Variants in PARD3B observed in about 807,000 individuals in gnomAD.
The protein encoded by PARD3B is partitioning defective 3 homolog B.
In PARD3B, 103 loss-of-function variants were observed where a neutral mutation model predicts 130.2. The observed-to-expected ratio is 0.79, with a 90% CI of 0.67 to 0.93. The LOEUF is 0.93. Among genes scored for constraint, PARD3B ranks in the 40% least tolerant of loss-of-function variants. The pLI, the probability that PARD3B is intolerant of heterozygous loss-of-function variation, is 0.00. For missense variants in PARD3B, 1,609 were observed against 1,499.2 expected (o/e 1.07, Z -1.21); for synonymous variants, 583 against 553.2 (o/e 1.05, Z -0.76).
intron 14 of PARD3B, among the ~76,000 whole-genome samples, chr2:205,188,824 A>G (rs1055159831): frequency 1.1e-4 from 16 of 152,016 alleles, no homozygotes; most frequent in African/African-American, 3.9e-4. Flanking sequence ...TCTCAAAGGA[A>G]AAAAGGGTGT....
At chr2:204,571,733 G>T (rs2032015885) in intron 1 of PARD3B, among the ~76,000 whole-genome samples, 1 of 152,040 alleles carries the variant, frequency 6.6e-6, no homozygotes, top group Non-Finnish European at 1.5e-5. Context: ...TGTGTATTAG[G>T]GACTTAATAC....
intron 20 of PARD3B, among the ~76,000 whole-genome samples, chr2:205,443,965 C>T (rs1212678280): frequency 6.6e-6 from 1 of 151,934 alleles, no homozygotes; most frequent in Non-Finnish European, 1.5e-5. Flanking sequence ...ATAGCAAGAC[C>T]CCATCTCTAT....
chr2:205,299,848 A>G (rs999166906), intron 16 of PARD3B, among the ~76,000 whole-genome samples: 3 of 152,222 alleles, frequency 2.0e-5, no homozygotes, highest in African/African-American at 7.2e-5. Context: ...TCAGAACTAT[A>G]GCATCGACAC....
intron 2 of PARD3B, among the ~76,000 whole-genome samples, chr2:204,871,115 C>T (rs1559215620): frequency 6.6e-6 from 1 of 152,060 alleles, no homozygotes; most frequent in Non-Finnish European, 1.5e-5. Flanking sequence ...GATGTTCTTC[C>T]TGGCTCTCTT....
At chr2:205,227,835 C>G (rs116532774) in intron 15 of PARD3B, among the ~76,000 whole-genome samples, 1,601 of 151,936 alleles carry the variant, frequency 0.011, 33 homozygotes, top group African/African-American at 0.037. Flanking sequence ...CTTTCTTTTT[C>G]TTTTTTGTAT....
At chr2:204,805,232 A>G (rs549197581) in intron 2 of PARD3B, among the ~76,000 whole-genome samples, 66 of 152,244 alleles carry the variant, frequency 4.3e-4, no homozygotes, top group African/African-American at 1.5e-3. Flanking sequence ...AAAAAGAGAC[A>G]TTACAACTGA....
At chr2:205,394,413 A>G (rs698906) in intron 18 of PARD3B, among the ~76,000 whole-genome samples, 113,449 of 152,082 alleles carry the variant, frequency 0.75, 45,819 homozygotes, top group East Asian at 0.96. Flanking sequence ...TACCAGCTCC[A>G]TAAACAAGCT....
At chr2:205,089,252 C>A (rs1701949509) in intron 4 of PARD3B, among the ~76,000 whole-genome samples, 1 of 151,450 alleles carries the variant, frequency 6.6e-6, no homozygotes, top group African/African-American at 2.4e-5. Flanking sequence ...CTCACTGCGA[C>A]CTCCGCCTCC....
At chr2:205,302,691 C>T (rs2042053171) in intron 18 of PARD3B, among the ~76,000 whole-genome samples, 1 of 152,116 alleles carries the variant, frequency 6.6e-6, no homozygotes, top group Non-Finnish European at 1.5e-5. Context: ...TCTAGGTGTG[C>T]AGTGGCCGGG....
At chr2:205,198,640 G>A (rs1182724166) in intron 15 of PARD3B, among the ~76,000 whole-genome samples, 2 of 151,990 alleles carry the variant, frequency 1.3e-5, no homozygotes, top group East Asian at 3.9e-4. Flanking sequence ...ATATATGTCA[G>A]ATATTCCTCT....
Position 205,263,637 on chromosome 2 carries a change from G to T in PARD3B, c.2185+17815G>T, listed in dbSNP as rs1016286524. Among the ~76,000 whole-genome samples, 1 of 150,938 alleles carries T rather than the reference G, an allele frequency of 6.6e-6. No homozygotes were observed. The highest frequency in any genetic ancestry group is 2.4e-5 in the African/African-American group (1 of 41,054). The stretch of plus-strand genomic sequence containing the variant: ...TATAAAACTTCTAGAAAACAAATGG[G>T]AGAAATTTTAGTTACAGTGGGTTAA... On this transcript the variant is annotated intron_variant, in intron 16 of 22. Coordinates refer to ENST00000406610, the MANE Select transcript of PARD3B (RefSeq NM_001302769.2). The surrounding 1 kb of genome is among the most constrained non-coding windows in gnomAD (Gnocchi z 4.0).
intron 4 of PARD3B, among the ~76,000 whole-genome samples, chr2:205,060,297 T>C (rs966289538): frequency 1.3e-5 from 2 of 152,270 alleles, no homozygotes; most frequent in South Asian, 2.1e-4. Flanking sequence ...CCAAAATCTA[T>C]ATTGTACAGT....
chr2:204,931,019 G>A (rs1269457673), intron 2 of PARD3B, among the ~76,000 whole-genome samples: 13 of 152,184 alleles, frequency 8.5e-5, no homozygotes, highest in Admixed American at 3.3e-4. Context: ...AGTTCTCTAG[G>A]CTGATGTCAC....
At chr2:205,554,921 C>T (rs958048625) in intron 22 of PARD3B, among the ~76,000 whole-genome samples, 1 of 152,092 alleles carries the variant, frequency 6.6e-6, no homozygotes, top group Non-Finnish European at 1.5e-5. Flanking sequence ...TATCTGAGGT[C>T]GGGGGCTGGG....
Position 205,300,128 on chromosome 2 carries a change from G to A in PARD3B, c.2186-402G>A, listed in dbSNP as rs747579750. ...TGTTAGGTGCTTGGTATGTTTGTGT[G>A]TGTGTCTGTGAGTATGCATGTGTGT... On this transcript the variant is annotated intron_variant, in intron 16 of 22. Transcript: ENST00000406610. The surrounding 1 kb of genome is among the most constrained non-coding windows in gnomAD (Gnocchi z 4.1). Among the ~76,000 whole-genome samples the A allele has an allele frequency of 6.6e-6, 1 of 152,174 alleles. No homozygotes were observed. Among genetic ancestry groups the A allele is most frequent in the African/African-American group, 2.4e-5 (1 of 41,446 alleles).
chr2:205,156,308 T>C (rs575957200), intron 10 of PARD3B, among the ~76,000 whole-genome samples: 13 of 150,664 alleles, frequency 8.6e-5, no homozygotes, highest in Non-Finnish European at 1.6e-4. Context: ...ATATACCTAA[T>C]GCTAAATGAC....
chr2:204,942,834 A>G (rs1404373556), intron 2 of PARD3B, among the ~76,000 whole-genome samples: 2 of 152,144 alleles, frequency 1.3e-5, no homozygotes, highest in Non-Finnish European at 2.9e-5. Flanking sequence ...TCTGTTAAAG[A>G]AAAAAATTAA....
chr2:204,765,857 G>C (rs536224805), intron 2 of PARD3B, among the ~76,000 whole-genome samples: 3 of 152,274 alleles, frequency 2.0e-5, no homozygotes, highest in Non-Finnish European at 4.4e-5. Flanking sequence ...ATGTGCTAGA[G>C]TATGAAACCA....
rs1248424725 is a variant in PARD3B at position 204,967,476 on chromosome 2, T to G, written c.394+2153T>G. Among the ~76,000 whole-genome samples the G allele has an allele frequency of 6.6e-6, 1 of 152,176 alleles. No homozygotes were observed. The highest frequency in any genetic ancestry group is 1.5e-5 in the Non-Finnish European group (1 of 68,022). ...TGATTATGTAATATAACTCCCCTGC[T>G]TAACGACCTTCACTGGCTTCCCATC... On this transcript the variant is annotated intron_variant, in intron 3 of 22. Transcript: ENST00000406610. The surrounding 1 kb of genome is among the most constrained non-coding windows in gnomAD (Gnocchi z 4.4).
Sources: gnomAD v4.1 joint callset for allele counts (sites outside exome capture counted in the v4.1 genomes callset) on GRCh38, gnomAD v4.1.1 for gene constraint, Gnocchi (gnomAD v3.1) non-coding constraint, MANE v1.5 for transcripts, NCBI Gene and HGNC (gene_info 2026-07-23, HGNC 2026-07-21) for gene names.